The following SORBS2 variants were observed in gnomAD, a reference collection of about 807,000 sequenced individuals.
The protein encoded by SORBS2 is sorbin and SH3 domain containing 2, also known as sorbin and SH3 domain-containing protein 2.
Under a neutral mutation model 97.7 loss-of-function variants are expected in SORBS2, and 46 were observed. The ratio of observed to expected loss-of-function variants is 0.47; its 90% CI spans 0.37 to 0.60. The LOEUF is 0.60. SORBS2 is among the 20% of genes least tolerant of loss of function. SORBS2 has a pLI of 0.00. For missense variants in SORBS2, 1,316 were observed against 1,282.3 expected, an observed-to-expected ratio of 1.03 and a Z score of -0.40; for synonymous variants, 476 against 473.4, an observed-to-expected ratio of 1.01 and a Z score of -0.07.
intron 1 of SORBS2, among the ~76,000 whole-genome samples, chr4:185,852,718 T>C (rs1020549960): frequency 1.6e-4 from 25 of 152,178 alleles, no homozygotes; most frequent in African/African-American, 5.8e-4. Flanking sequence ...TAATATTCAG[T>C]AGAGCGGGCT....
intron 1 of SORBS2, among the ~76,000 whole-genome samples, chr4:185,828,438 A>G (rs1278490846): frequency 6.6e-6 from 1 of 152,026 alleles, no homozygotes; most frequent in African/African-American, 2.4e-5. Context: ...GGGAGAGATG[A>G]GGGATTGTAG....
At chr4:185,780,290 C>T (rs2099021910) in intron 1 of SORBS2, among the ~76,000 whole-genome samples, 1 of 152,148 alleles carries the variant, frequency 6.6e-6, no homozygotes, top group Admixed American at 6.5e-5. Context: ...GCTGGGATTA[C>T]AGGCGTGAGC....
intron 2 of SORBS2, among the ~76,000 whole-genome samples, chr4:185,756,379 T>C (rs1165269659): frequency 7.1e-6 from 1 of 141,544 alleles, no homozygotes; most frequent in Non-Finnish European, 1.6e-5. Flanking sequence ...GCAGTCAATT[T>C]GATAAGGAGA....
chr4:185,926,463 G>A (rs1192721006), intron 1 of SORBS2, among the ~76,000 whole-genome samples: 2 of 151,896 alleles, frequency 1.3e-5, no homozygotes, highest in South Asian at 2.1e-4. Flanking sequence ...CGGAGGTGAT[G>A]GAAACACTCA....
intron 1 of SORBS2, among the ~76,000 whole-genome samples, chr4:185,831,622 T>G (rs943100079): frequency 2.0e-5 from 3 of 152,158 alleles, no homozygotes; most frequent in African/African-American, 7.2e-5. Flanking sequence ...CGGCATTCCA[T>G]GAAGGGTTAC....
At chr4:185,777,056 A>T (rs192661413) in intron 1 of SORBS2, among the ~76,000 whole-genome samples, 1 of 152,318 alleles carries the variant, frequency 6.6e-6, no homozygotes, top group Non-Finnish European at 1.5e-5. Flanking sequence ...GCCATGTGAA[A>T]AAAAAGGGTT....
chr4:185,934,458 AT>A (rs1561315494), intron 1 of SORBS2, among the ~76,000 whole-genome samples: 1 of 152,172 alleles, frequency 6.6e-6, no homozygotes, highest in African/African-American at 2.4e-5. Flanking sequence ...GATTTTACAT[AT>A]TAAAGAACAA....
intron 12 of SORBS2, among the ~76,000 whole-genome samples, chr4:185,610,294 G>A (rs918802692): frequency 6.6e-6 from 1 of 152,050 alleles, no homozygotes; most frequent in African/African-American, 2.4e-5. Flanking sequence ...ACTGAATGGT[G>A]GATAAGACAA....
In SORBS2 at chr4:185,905,112, AAAGAAAG is replaced by A. The variant is rs1442258734; in HGVS notation, c.-338+51077_-338+51083del. Among the ~76,000 whole-genome samples, 61 of 151,450 alleles carry A rather than the reference AAAGAAAG, an allele frequency of 4.0e-4. No homozygotes were observed. The Middle Eastern group carries it at 0.017, about 42-fold the overall frequency. On this transcript the variant is annotated intron_variant, in intron 1 of 20. Coordinates refer to the SORBS2 transcript ENST00000284776. ...AGAGTGAAACTCTGTCAAAAAAAAA[AAAGAAAG>A]AAAGAAAGAAAGAAACAGTGCCAGC...
At chr4:185,819,503 C>T (rs776899590) in intron 1 of SORBS2, among the ~76,000 whole-genome samples, 3 of 152,310 alleles carry the variant, frequency 2.0e-5, no homozygotes, top group Middle Eastern at 3.4e-3. Flanking sequence ...TCTTTTCAGC[C>T]GGACGCCTTT....
chr4:185,828,716 C>T (rs6840171), intron 1 of SORBS2, among the ~76,000 whole-genome samples: 97,813 of 151,760 alleles, frequency 0.64, 32,007 homozygotes, highest in Admixed American at 0.7. Flanking sequence ...CCATATCAAA[C>T]ATCCCTCCTC....
intron 2 of SORBS2, 110 bp from the exon 4 acceptor site, chr4:185,690,721 CA>C (rs1199306060): frequency 4.0e-6 from 2 of 495,002 alleles, no homozygotes; most frequent in East Asian, 5.9e-5. Context: ...ATCACATTAT[CA>C]TTAGTCTTAT....
At chr4:185,804,738 C>A (rs905335632) in intron 1 of SORBS2, among the ~76,000 whole-genome samples, 2 of 151,912 alleles carry the variant, frequency 1.3e-5, no homozygotes, top group African/African-American at 4.8e-5. Context: ...TTGGAGTGAA[C>A]AAATTGAACA....
intron 1 of SORBS2, among the ~76,000 whole-genome samples, chr4:185,799,393 C>T (rs1203448462): frequency 1.3e-5 from 2 of 152,126 alleles, no homozygotes; most frequent in Non-Finnish European, 2.9e-5. Context: ...GGTAGCAAAC[C>T]GGGTAGTGGG....
chr4:185,834,851 C>T (rs1418323302), intron 1 of SORBS2, among the ~76,000 whole-genome samples: 1 of 152,122 alleles, frequency 6.6e-6, no homozygotes, highest in Non-Finnish European at 1.5e-5. Context: ...ATGCACCTAA[C>T]ATGCAAAGTT....
intron 1 of SORBS2, among the ~76,000 whole-genome samples, chr4:185,908,461 C>A (rs1384371241): frequency 1.4e-5 from 2 of 147,766 alleles, no homozygotes; most frequent in East Asian, 3.9e-4. Flanking sequence ...TTGAAACAGG[C>A]CTATTCTCAA....
At chr4:185,888,755 A>G (rs920396460) in intron 1 of SORBS2, among the ~76,000 whole-genome samples, 4 of 152,008 alleles carry the variant, frequency 2.6e-5, no homozygotes, top group African/African-American at 9.7e-5. Flanking sequence ...TGCTGTGTCC[A>G]CCCCAACCCG....
intron 1 of SORBS2, among the ~76,000 whole-genome samples, chr4:185,945,872 T>C (rs528799249): frequency 2.6e-5 from 4 of 152,142 alleles, no homozygotes; most frequent in African/African-American, 9.6e-5. Context: ...GGAATGATGT[T>C]CCAGGAAGAA....
intron 2 of SORBS2, among the ~76,000 whole-genome samples, chr4:185,698,906 G>C (rs1377471883): frequency 6.6e-6 from 1 of 151,918 alleles, no homozygotes; most frequent in Admixed American, 6.6e-5. Flanking sequence ...CAGTTAGTAA[G>C]TATATCTATT....
Sources: gnomAD v4.1 joint callset for allele counts (sites outside exome capture counted in the v4.1 genomes callset) on GRCh38, gnomAD v4.1.1 for gene constraint, MANE v1.5 for transcripts, NCBI Gene and HGNC (gene_info 2026-07-23, HGNC 2026-07-21) for gene names.